STMN1: variants seen among roughly 807,000 people sequenced by gnomAD.
The protein encoded by STMN1 is stathmin.
A neutral mutation model predicts 19.7 loss-of-function variants in STMN1; 3 were observed. The ratio of observed to expected loss-of-function variants is 0.15; its 90% CI spans 0.07 to 0.39. STMN1 has a LOEUF of 0.39. STMN1 is among the 10% of genes least tolerant of loss of function. The pLI is 1.00. For missense variants in STMN1, 99 were observed against 176.0 expected, an observed-to-expected ratio of 0.56 and a Z score of 2.48; for synonymous variants, 59 against 58.9, an observed-to-expected ratio of 1.00 and a Z score of -0.01.
At chr1:25,884,248 C>A (rs867500506), downstream of STMN1, 43 of 152,110 alleles carry the variant, frequency 2.8e-4, no homozygotes, top group African/African-American at 9.2e-4. Context: ...GACTTCACTG[C>A]CTGACTTCCT....
intron 4 of STMN1, among the ~76,000 whole-genome samples, chr1:25,890,448 G>T (rs1438688696): frequency 6.6e-6 from 1 of 152,210 alleles, no homozygotes; most frequent in Non-Finnish European, 1.5e-5. Flanking sequence ...GTAGGTACAA[G>T]GGAGTGTGGG....
chr1:25,904,800 A>C (rs1002050479), intron 1 of STMN1, 62 bp from the exon 2 acceptor site: 18 of 1,336,120 alleles, frequency 1.3e-5, no homozygotes, highest in South Asian at 1.1e-4. Flanking sequence ...TCATCAACCC[A>C]AAAAAATCTC....
downstream of STMN1, among the ~76,000 whole-genome samples, chr1:25,896,328 G>A (rs374747429): frequency 1.7e-4 from 26 of 152,308 alleles, no homozygotes; most frequent in African/African-American, 2.9e-4. Flanking sequence ...TGAGAGCAGG[G>A]AAGAGGGGAG....
upstream of STMN1, chr1:25,906,859 C>G (rs181264192): frequency 5.2e-5 from 8 of 152,602 alleles, no homozygotes; most frequent in African/African-American, 1.7e-4. This position sits in a 1 kb window ranked among gnomAD's most constrained non-coding sequence, Gnocchi z 4.5. Context: ...GGGCAGCACT[C>G]GGACAGAGCA....
chr1:25,903,788 C>T lies in STMN1; in HGVS notation c.39G>A (p.Lys13=), dbSNP rs781351821. 1.9e-6 allele frequency: 3 copies of T among 1,610,088 alleles called. No homozygotes were observed. Among genetic ancestry groups the T allele is most frequent in the South Asian group, 2.2e-5 (2 of 90,070 alleles). The stretch of plus-strand genomic sequence containing the variant: ...GCTCAAAAGCCTGGCCTGAGGCACG[C>T]TTCTCCAGTTCTTTCACCTGGATAT... ...SSDIQVKELE[K]RASGQAFELI... The change falls in exon 3 of 5, where the codon AAG becomes AAA. Residue 13 remains lysine (K), a synonymous_variant. Coordinates refer to ENST00000455785, the MANE Select transcript of STMN1 (RefSeq NM_005563.4).
At chr1:25,886,699 C>T (rs2048724199) in intron 4 of STMN1, among the ~76,000 whole-genome samples, 1 of 151,566 alleles carries the variant, frequency 6.6e-6, no homozygotes, top group African/African-American at 2.4e-5. Context: ...AGAGATTCTC[C>T]TGCCTCAGCC....
chr1:25,903,909 T>C, intron 2 of STMN1, 96 bp from the exon 3 acceptor site: 1 of 1,294,644 alleles, frequency 7.7e-7, no homozygotes, highest in South Asian at 1.5e-5. Flanking sequence ...ATTTAATGTA[T>C]TAAACTAGGG....
chr1:25,888,162 G>A (rs2048741205), intron 4 of STMN1, among the ~76,000 whole-genome samples: 1 of 152,122 alleles, frequency 6.6e-6, no homozygotes, highest in African/African-American at 2.4e-5. Context: ...GAACACCTCC[G>A]TCAGAGGTAG....
intron 4 of STMN1, among the ~76,000 whole-genome samples, chr1:25,887,861 AT>A (rs1418804550): frequency 6.6e-6 from 1 of 151,972 alleles, no homozygotes; most frequent in East Asian, 1.9e-4. Context: ...TAATTTTTGT[AT>A]TTTTAATAGA....
chr1:25,901,486 C>A lies in STMN1; in HGVS notation c.378+5G>T, dbSNP rs1255856927. 1 of 1,603,748 alleles carries A rather than the reference C, an allele frequency of 6.2e-7. No homozygotes were observed. Among genetic ancestry groups the A allele is most frequent in the Non-Finnish European group, 8.5e-7 (1 of 1,176,074 alleles). ...CTCAACCCTTTTACAAAGTAAGAAA[C>A]CAACCTTCTCTCGCAAACGTTCCAG... On this transcript the variant is annotated splice_donor_5th_base_variant and intron_variant, in intron 4 of 4. Coordinates refer to ENST00000455785, the MANE Select transcript of STMN1 (RefSeq NM_005563.4).
At position 25,900,815 on chromosome 1, in the gene STMN1, TAGAA is replaced by T; in HGVS notation, c.*197_*200del. On this transcript the variant is annotated 3_prime_UTR_variant, in exon 5 of 5. Coordinates refer to ENST00000455785, the MANE Select transcript of STMN1 (RefSeq NM_005563.4). ...AGCTACATTAGAAAGACCAACACTTTAGAAAAAGAGTAAAACACTTTCAGTTTCT... is the reference window on the plus strand; with the variant it reads ...AGCTACATTAGAAAGACCAACACTTTAAAGAGTAAAACACTTTCAGTTTCT... 7.2e-7 allele frequency: 1 copy of T among 1,380,062 alleles called. No individual in the cohort carries two copies. The highest frequency in any genetic ancestry group is 9.4e-7 in the Non-Finnish European group (1 of 1,068,644). The allele number at this position is 1,380,062 out of a possible 1,614,324, so 85.5% of individuals were successfully genotyped here.
intron 3 of STMN1, chr1:25,902,111 T>C (rs2048882499): frequency 7.1e-6 from 1 of 140,600 alleles, no homozygotes; most frequent in South Asian, 2.1e-4. Flanking sequence ...ACACCAAAAT[T>C]AGGACCTGAA....
downstream of STMN1, among the ~76,000 whole-genome samples, chr1:25,896,976 G>T (rs772141022): frequency 6.6e-6 from 1 of 152,204 alleles, no homozygotes; most frequent in Non-Finnish European, 1.5e-5. Context: ...AACTTCTAGG[G>T]CATCTAAGTC....
chr1:25,903,078 A>G (rs1044272079), intron 3 of STMN1: 1 of 152,338 alleles, frequency 6.6e-6, no homozygotes, highest in East Asian at 1.9e-4. Flanking sequence ...GTATTTCCCA[A>G]ATTTTCTACA....
chr1:25,903,997 G>A (rs1442707661), intron 2 of STMN1, among the ~76,000 whole-genome samples, 184 bp from the exon 3 acceptor site: 1 of 152,072 alleles, frequency 6.6e-6, no homozygotes, highest in East Asian at 1.9e-4. Flanking sequence ...TGTATTTGCA[G>A]GCAAGATATT....
At chr1:25,898,168 GGGGCCTGCCTGGA>G (rs370333601), downstream of STMN1, among the ~76,000 whole-genome samples, 1,277 of 152,338 alleles carry the variant, frequency 8.4e-3, 13 homozygotes, top group African/African-American at 0.029. Flanking sequence ...AAATGGGGAG[GGGGCCTGCCTGGA>G]GGGCCTGCCA....
At chr1:25,897,176 G>A (rs1031850432), downstream of STMN1, among the ~76,000 whole-genome samples, 9 of 152,060 alleles carry the variant, frequency 5.9e-5, no homozygotes, top group Non-Finnish European at 1.0e-4. Flanking sequence ...AGCCAGGCAC[G>A]GTGGTGCACG....
At chr1:25,886,647 C>T (rs543751431) in intron 4 of STMN1, among the ~76,000 whole-genome samples, 21 of 138,452 alleles carry the variant, frequency 1.5e-4, no homozygotes. Flanking sequence ...GGAATGCAGT[C>T]GTGTGATCTC....
chr1:25,901,260 T>C (rs2048870581), intron 4 of STMN1, 173 bp from the exon 5 acceptor site: 2 of 1,280,898 alleles, frequency 1.6e-6, no homozygotes, highest in Non-Finnish European at 2.1e-6. Context: ...TCAAATCTCC[T>C]GGGTCCCTTG....
Sources: allele counts gnomAD v4.1 joint callset (sites outside exome capture counted in the v4.1 genomes callset), GRCh38; gene constraint gnomAD v4.1.1; non-coding constraint Gnocchi (gnomAD v3.1); transcripts MANE v1.5; gene names NCBI Gene and HGNC (gene_info 2026-07-23, HGNC 2026-07-21).